Variants in SATB2 observed in about 807,000 individuals in gnomAD.
The protein encoded by SATB2 is DNA-binding protein SATB2.
Under a neutral mutation model 73.4 loss-of-function variants are expected in SATB2, and 1 was observed. The ratio of observed to expected loss-of-function variants is 0.01; its 90% CI spans 0.00 to 0.06. The LOEUF (loss-of-function observed/expected upper bound fraction) is 0.06. Among genes scored for constraint, SATB2 ranks in the 10% least tolerant of loss-of-function variants. The probability of loss-of-function intolerance (pLI) is 1.00; values close to 1 mark genes in which losing one functional copy is unlikely to be tolerated. For missense variants in SATB2, 459 were observed against 945.8 expected, an observed-to-expected ratio of 0.49 and a Z score of 6.75; for synonymous variants, 397 against 367.0, an observed-to-expected ratio of 1.08 and a Z score of -0.93.
At chr2:199,391,726 G>A (rs1457130380) in intron 3 of SATB2, among the ~76,000 whole-genome samples, 1 of 152,046 alleles carries the variant, frequency 6.6e-6, no homozygotes, top group African/African-American at 2.4e-5. Context: ...GTAAGCAAAT[G>A]TTTCTCTAAT....
At chr2:199,317,680 G>A (rs1019797406) in intron 9 of SATB2, among the ~76,000 whole-genome samples, 2 of 151,800 alleles carry the variant, frequency 1.3e-5, no homozygotes, top group Non-Finnish European at 2.9e-5. Context: ...TTGTGAGGGT[G>A]GTAAAAAGAA....
intron 10 of SATB2, among the ~76,000 whole-genome samples, chr2:199,293,843 A>G (rs1574479255): frequency 6.6e-6 from 1 of 152,112 alleles, no homozygotes; most frequent in East Asian, 1.9e-4. Flanking sequence ...TTAGCTTTTA[A>G]TTCAAAACAT....
chr2:199,306,036 A>G (rs1374774948), intron 10 of SATB2, among the ~76,000 whole-genome samples: 1 of 152,196 alleles, frequency 6.6e-6, no homozygotes, highest in African/African-American at 2.4e-5. Flanking sequence ...TGAATTTTTA[A>G]GATTTCTAAA....
chr2:199,465,334 T>C (rs1692573052), upstream of SATB2, among the ~76,000 whole-genome samples: 1 of 152,198 alleles, frequency 6.6e-6, no homozygotes. Context: ...AAGTATAATA[T>C]AAGGGAGGGT....
intron 3 of SATB2, among the ~76,000 whole-genome samples, chr2:199,403,586 A>G (rs1690546275): frequency 6.6e-6 from 1 of 152,212 alleles, no homozygotes; most frequent in East Asian, 1.9e-4. Context: ...TTACTTTTAA[A>G]TCGCTGCTCT....
In SATB2 at chr2:199,308,697, C is replaced by T. The variant is rs1169541280; in HGVS notation, c.1740+63G>A. 2 of 1,440,182 alleles carry T rather than the reference C, an allele frequency of 1.4e-6. No homozygotes were observed. The highest frequency in any genetic ancestry group is 1.9e-6 in the Non-Finnish European group (2 of 1,026,722). The allele number at this position is 1,440,182 out of a possible 1,614,324, so 89.2% of individuals were successfully genotyped here. A position where few individuals can be genotyped will look rare whatever the true frequency, so the allele number is the denominator to read the frequency against. ...GTGTGGTGTGTGCCACTTGGACCCTCAGCAGCTACTGCTGGCACACAGAGC... is the reference window on the plus strand; with the variant it reads ...GTGTGGTGTGTGCCACTTGGACCCTTAGCAGCTACTGCTGGCACACAGAGC... On this transcript the variant is annotated intron_variant, in intron 10 of 10. Transcript: ENST00000417098. This position sits in a 1 kb window ranked among gnomAD's most constrained non-coding sequence, Gnocchi z 4.6.
chr2:199,293,888 GA>G (rs1168035799), intron 10 of SATB2, among the ~76,000 whole-genome samples: 2 of 151,190 alleles, frequency 1.3e-5, no homozygotes, highest in East Asian at 1.9e-4. Context: ...GAGGGTGGGA[GA>G]AAAAAAACAA....
chr2:199,345,429 C>T (rs1453959835), intron 7 of SATB2, among the ~76,000 whole-genome samples: 1 of 135,732 alleles, frequency 7.4e-6, no homozygotes, highest in Non-Finnish European at 1.6e-5. Context: ...CCCCTCCCCC[C>T]ACAAACTCAT....
In SATB2 at chr2:199,444,927, G is replaced by A. The variant is rs373624803; in HGVS notation, c.169+10942C>T. 9.2e-5 allele frequency among the ~76,000 whole-genome samples: 14 copies of A among 152,296 alleles called. No homozygotes were observed. In the South Asian group the frequency reaches 1.0e-3, roughly 11 times the overall value. On this transcript the variant is annotated intron_variant, in intron 2 of 10. Coordinates refer to ENST00000417098, the MANE Select transcript of SATB2 (RefSeq NM_001172509.2). Reference sequence around the variant, plus strand: ...ATTCTATATATGAGAGGCTGGCGGCGAGAAAGATGGCTTTACTGAGTCATT... The same window carrying A: ...ATTCTATATATGAGAGGCTGGCGGCAAGAAAGATGGCTTTACTGAGTCATT...
rs527735514 is a variant in SATB2, at chr2:199,366,366, C to T, written c.700+2239G>A. Among the ~76,000 whole-genome samples, 15 of 152,124 alleles carry T rather than the reference C, an allele frequency of 9.9e-5. No homozygotes were observed. In the South Asian group the frequency reaches 2.9e-3, roughly 29 times the overall value. On this transcript the variant is annotated intron_variant, in intron 6 of 10. Transcript: ENST00000417098. ...AAATGAGTCCTACTAGGTAGAAACT[C>T]CCACAGCAACATCTATTCATAGAAA...
intron 10 of SATB2, among the ~76,000 whole-genome samples, chr2:199,276,880 T>A (rs1033360004): frequency 6.6e-6 from 1 of 152,176 alleles, no homozygotes; most frequent in Non-Finnish European, 1.5e-5. Context: ...CTAAAACGCA[T>A]GCTCATAGCA....
chr2:199,445,486 C>G (rs1239691834), intron 2 of SATB2, among the ~76,000 whole-genome samples: 1 of 152,088 alleles, frequency 6.6e-6, no homozygotes, highest in Admixed American at 6.5e-5. Context: ...AACTAATGAC[C>G]ATTTGTAACA....
intron 7 of SATB2, among the ~76,000 whole-genome samples, chr2:199,334,167 C>T (rs898697521): frequency 3.9e-5 from 6 of 152,146 alleles, no homozygotes; most frequent in African/African-American, 1.4e-4. Flanking sequence ...ATCTCAAAGA[C>T]AGCTTAGATG....
intron 6 of SATB2, among the ~76,000 whole-genome samples, chr2:199,349,665 A>G (rs952429225): frequency 2.0e-5 from 3 of 152,236 alleles, no homozygotes; most frequent in Non-Finnish European, 4.4e-5. Context: ...ATGTTCATTT[A>G]AAAATGTCTG....
At chr2:199,394,858 T>C (rs1041911080) in intron 3 of SATB2, among the ~76,000 whole-genome samples, 2 of 152,010 alleles carry the variant, frequency 1.3e-5, no homozygotes, top group Non-Finnish European at 2.9e-5. Flanking sequence ...GATTCTAATA[T>C]ATCACCATCA....
chr2:199,300,716 A>G (rs1401032678), intron 10 of SATB2, among the ~76,000 whole-genome samples: 2 of 152,134 alleles, frequency 1.3e-5, no homozygotes, highest in Non-Finnish European at 2.9e-5. Context: ...AGGTGCAGGA[A>G]TTTCATTGCC....
At chr2:199,375,070 T>G (rs1042836604) in intron 5 of SATB2, among the ~76,000 whole-genome samples, 2 of 152,084 alleles carry the variant, frequency 1.3e-5, no homozygotes, top group Non-Finnish European at 2.9e-5. Context: ...AGGCAGGTAC[T>G]GGTACCTCTA....
intron 6 of SATB2, among the ~76,000 whole-genome samples, chr2:199,363,110 T>C (rs1461428708): frequency 6.6e-6 from 1 of 152,198 alleles, no homozygotes; most frequent in Non-Finnish European, 1.5e-5. Context: ...TGCAAGGAAT[T>C]AGTCCATGTC....
chr2:199,373,935 T>A (rs1689522282), intron 5 of SATB2, among the ~76,000 whole-genome samples: 1 of 152,232 alleles, frequency 6.6e-6, no homozygotes, highest in African/African-American at 2.4e-5. Flanking sequence ...CCAGTTACCA[T>A]GATTCTGGTC....
Sources: allele counts gnomAD v4.1 joint callset (sites outside exome capture counted in the v4.1 genomes callset), GRCh38; gene constraint gnomAD v4.1.1; non-coding constraint Gnocchi (gnomAD v3.1); transcripts MANE v1.5; gene names NCBI Gene and HGNC (gene_info 2026-07-23, HGNC 2026-07-21).